The following PDE1A variants were observed in gnomAD, a reference collection of about 807,000 sequenced individuals.
PDE1A encodes the protein dual specificity calcium/calmodulin-dependent 3',5'-cyclic nucleotide phosphodiesterase 1A.
PDE1A carries 35 observed loss-of-function variants against 61.7 expected under a neutral mutation model. That is an observed-to-expected ratio of 0.57 (90% CI 0.43 to 0.75). The LOEUF (loss-of-function observed/expected upper bound fraction) is 0.75, where lower values mean the gene tolerates loss of function less well. PDE1A is among the 30% of genes least tolerant of loss of function. The pLI is 0.00. For missense variants in PDE1A, 597 were observed against 630.6 expected (o/e 0.95, Z 0.57); for synonymous variants, 232 against 213.2 (o/e 1.09, Z -0.77).
chr2:182,708,563 G>A, the PDE1A span, among the ~76,000 whole-genome samples: 11 of 152,208 alleles, frequency 7.2e-5, no homozygotes, highest in African/African-American at 2.4e-4. Flanking sequence ...GCTGGAATGT[G>A]AAGGAAAAGC....
chr2:182,415,215 T>C (rs1302071613), intron 1 of PDE1A, among the ~76,000 whole-genome samples: 1 of 152,166 alleles, frequency 6.6e-6, no homozygotes, highest in Non-Finnish European at 1.5e-5. Flanking sequence ...GTTGTTTGCC[T>C]AGCCAACTGT....
At position 182,201,578 on chromosome 2, in the gene PDE1A, G is replaced by A. The variant is rs578155554; in HGVS notation, c.1005-19C>T. The stretch of plus-strand genomic sequence containing the variant: ...GTCAATCCTGTCAAACCAAGGACAT[G>A]CTTATATTATTCAAAACAAAGGAAA... On this transcript the variant is annotated intron_variant, in intron 9 of 13. Transcript: ENST00000351439. The A allele has an allele frequency of 6.2e-7, 1 of 1,604,374 alleles. No homozygotes were observed. Among genetic ancestry groups the A allele is most frequent in the African/African-American group, 1.4e-5 (1 of 73,308 alleles).
At chr2:182,161,100 T>A (rs1399029242) in intron 13 of PDE1A, among the ~76,000 whole-genome samples, 1 of 152,156 alleles carries the variant, frequency 6.6e-6, no homozygotes, top group African/African-American at 2.4e-5. Context: ...GCTCTTAATA[T>A]CACTGGACAA....
At chr2:182,197,415 T>G (rs1184303150) in intron 10 of PDE1A, among the ~76,000 whole-genome samples, 1 of 151,630 alleles carries the variant, frequency 6.6e-6, no homozygotes, top group Non-Finnish European at 1.5e-5. Flanking sequence ...TTTTTCCACT[T>G]CATTTTTTTT....
downstream of PDE1A, among the ~76,000 whole-genome samples, chr2:182,167,276 A>G (rs1691699924): frequency 2.0e-5 from 3 of 152,114 alleles, no homozygotes; most frequent in African/African-American, 7.2e-5. Flanking sequence ...CCACACCACT[A>G]CAACTTTAAG....
the PDE1A span, among the ~76,000 whole-genome samples, chr2:182,573,923 T>G: frequency 6.9e-6 from 1 of 144,806 alleles, no homozygotes; most frequent in Non-Finnish European, 1.5e-5. Flanking sequence ...TATATATTAA[T>G]ATATACATAT....
intron 3 of PDE1A, 26 bp from the exon 4 acceptor site, chr2:182,234,524 A>T: frequency 3.5e-6 from 5 of 1,430,390 alleles, no homozygotes; most frequent in Non-Finnish European, 4.9e-6. Flanking sequence ...ATAAGTGTAA[A>T]TATAAAATTC....
At chr2:182,401,042 G>A (rs976057567) in intron 1 of PDE1A, among the ~76,000 whole-genome samples, 1 of 151,924 alleles carries the variant, frequency 6.6e-6, no homozygotes, top group African/African-American at 2.4e-5. Context: ...ACCCTCTGAG[G>A]CTTCCTCCAC....
downstream of PDE1A, chr2:182,142,047 G>C (rs1258504389): frequency 6.6e-6 from 1 of 151,540 alleles, no homozygotes; most frequent in Non-Finnish European, 1.5e-5. Flanking sequence ...TTTCTGTGTA[G>C]TAAAATATAA....
chr2:182,651,114 C>T, the PDE1A span, among the ~76,000 whole-genome samples: 2 of 152,168 alleles, frequency 1.3e-5, no homozygotes, highest in African/African-American at 4.8e-5. Context: ...TCAGGCAATT[C>T]CCCTGCCTCA....
chr2:182,185,004 A>C (rs1032963239), intron 13 of PDE1A, among the ~76,000 whole-genome samples: 1 of 152,214 alleles, frequency 6.6e-6, no homozygotes, highest in African/African-American at 2.4e-5. Flanking sequence ...GGATAATTGA[A>C]AACGTTTCAA....
At chr2:182,367,559 C>T (rs776414514) in intron 1 of PDE1A, among the ~76,000 whole-genome samples, 3 of 151,958 alleles carry the variant, frequency 2.0e-5, no homozygotes, top group Non-Finnish European at 4.4e-5. Context: ...AACTTCCTTA[C>T]AACTTGGGTA....
the PDE1A span, among the ~76,000 whole-genome samples, chr2:182,650,850 G>A: frequency 6.6e-6 from 1 of 152,206 alleles, no homozygotes; most frequent in Non-Finnish European, 1.5e-5. Context: ...TGATATTCAA[G>A]ATCTTGCGTA....
At chr2:182,156,070 CTT>C (rs1356876052) in intron 13 of PDE1A, among the ~76,000 whole-genome samples, 1 of 152,152 alleles carries the variant, frequency 6.6e-6, no homozygotes, top group Non-Finnish European at 1.5e-5. Flanking sequence ...TAAGCCATGA[CTT>C]TGCCATAATT....
intron 7 of PDE1A, among the ~76,000 whole-genome samples, chr2:182,219,293 T>C (rs1688521077): frequency 6.6e-6 from 1 of 151,962 alleles, no homozygotes; most frequent in African/African-American, 2.4e-5. Flanking sequence ...AATATAATTT[T>C]ATTATGAAAT....
At chr2:182,524,809 C>G (rs972950773), upstream of PDE1A, among the ~76,000 whole-genome samples, 1 of 151,692 alleles carries the variant, frequency 6.6e-6, no homozygotes, top group African/African-American at 2.4e-5. Flanking sequence ...AAAAATGATC[C>G]AATTTGTATG....
chr2:182,556,379 C>A, the PDE1A span, among the ~76,000 whole-genome samples: 1 of 152,168 alleles, frequency 6.6e-6, no homozygotes, highest in Non-Finnish European at 1.5e-5. Context: ...TTTCAGCTTA[C>A]TTGTAAGCAG....
chr2:182,146,452 G>A (rs1690499418), downstream of PDE1A, among the ~76,000 whole-genome samples: 1 of 152,078 alleles, frequency 6.6e-6, no homozygotes, highest in Admixed American at 6.6e-5. Context: ...AAGAAATGAG[G>A]ATTAAACATC....
chr2:182,363,805 T>A (rs1699656084), intron 1 of PDE1A, among the ~76,000 whole-genome samples: 1 of 152,032 alleles, frequency 6.6e-6, no homozygotes, highest in Non-Finnish European at 1.5e-5. Flanking sequence ...TAGAGTTAAG[T>A]TTCTAGAATT....
Sources: allele counts gnomAD v4.1 joint callset (sites outside exome capture counted in the v4.1 genomes callset), GRCh38; gene constraint gnomAD v4.1.1; transcripts MANE v1.5; gene names NCBI Gene and HGNC (gene_info 2026-07-23, HGNC 2026-07-21).